Variants in SLC25A21 observed in about 807,000 individuals in gnomAD.
The protein encoded by SLC25A21 is solute carrier family 25 member 21.
A neutral mutation model predicts 43.8 loss-of-function variants in SLC25A21; 47 were observed. That is an observed-to-expected ratio of 1.07 (90% CI 0.85 to 1.37). SLC25A21 has a LOEUF of 1.37. SLC25A21 is among the 40% of genes most tolerant of loss of function. The probability of loss-of-function intolerance (pLI) is 0.00; values close to 1 mark genes in which losing one functional copy is unlikely to be tolerated. For missense variants in SLC25A21, 352 were observed against 350.2 expected (o/e 1.00, Z -0.04); for synonymous variants, 131 against 121.3 (o/e 1.08, Z -0.52).
At position 36,834,531 on chromosome 14, in the gene SLC25A21, A is replaced by G. The variant is rs148566592; in HGVS notation, c.120-20530T>C. On this transcript the variant is annotated intron_variant, in intron 2 of 9. Coordinates refer to ENST00000331299, the MANE Select transcript of SLC25A21 (RefSeq NM_030631.4). ...AAATACTTGGTACCTTGGTACGTTG[A>G]TTTCTCAGTAAATATTGGCTTCCTT... 1.8e-4 allele frequency among the ~76,000 whole-genome samples: 27 copies of G among 152,278 alleles called. No individual in the cohort carries two copies. The East Asian group carries it at 5.2e-3, about 29-fold the overall frequency.
intron 3 of SLC25A21, among the ~76,000 whole-genome samples, chr14:36,809,711 A>T (rs1888166373): frequency 6.6e-6 from 1 of 152,172 alleles, no homozygotes; most frequent in South Asian, 2.1e-4. Flanking sequence ...AACAGACTTT[A>T]ATGTTTTTAA....
chr14:36,895,150 G>T (rs1223794570), intron 1 of SLC25A21, among the ~76,000 whole-genome samples: 1 of 152,158 alleles, frequency 6.6e-6, no homozygotes, highest in Non-Finnish European at 1.5e-5. Flanking sequence ...GTAGAATTCG[G>T]CTGTGAAGCC....
intron 1 of SLC25A21, among the ~76,000 whole-genome samples, chr14:37,008,357 G>T (rs1009903462): frequency 6.6e-6 from 1 of 152,108 alleles, no homozygotes. Flanking sequence ...TCTTTATCCA[G>T]ATTTGTATGA....
intron 1 of SLC25A21, among the ~76,000 whole-genome samples, chr14:36,935,683 C>T (rs908003248): frequency 2.6e-5 from 2 of 77,302 alleles, no homozygotes; most frequent in South Asian, 6.2e-4. Context: ...AACATTCTTG[C>T]AAATCTAAGC....
chr14:36,897,373 G>A (rs1042962815), intron 1 of SLC25A21, among the ~76,000 whole-genome samples: 8 of 152,188 alleles, frequency 5.3e-5, no homozygotes, highest in Middle Eastern at 3.4e-3. Context: ...TTGTGCCTTG[G>A]TTTTCAGCTC....
At chr14:36,723,673 T>A (rs1884467464) in intron 6 of SLC25A21, among the ~76,000 whole-genome samples, 1 of 152,232 alleles carries the variant, frequency 6.6e-6, no homozygotes, top group East Asian at 1.9e-4. Context: ...TTGCAAGTCA[T>A]TAGCACATAC....
intron 1 of SLC25A21, among the ~76,000 whole-genome samples, chr14:37,147,063 C>T (rs28441592): frequency 0.013 from 1,947 of 152,204 alleles, 40 homozygotes; most frequent in African/African-American, 0.045. Context: ...TGCACAAGGA[C>T]GTACTAGGAA....
chr14:36,937,248 C>A (rs566770582), intron 1 of SLC25A21, among the ~76,000 whole-genome samples: 12 of 152,294 alleles, frequency 7.9e-5, no homozygotes, highest in Admixed American at 2.6e-4. Flanking sequence ...GCCAATGAGG[C>A]GCTCTTAGCA....
chr14:37,161,912 G>A (rs377402183), intron 1 of SLC25A21, among the ~76,000 whole-genome samples: 17 of 136,882 alleles, frequency 1.2e-4, no homozygotes, highest in African/African-American at 4.0e-4. Context: ...GCAGTGAGCC[G>A]AGATCGCCTC....
intron 1 of SLC25A21, among the ~76,000 whole-genome samples, chr14:37,157,532 T>C (rs1209010293): frequency 1.3e-5 from 2 of 152,158 alleles, no homozygotes; most frequent in Admixed American, 1.3e-4. Flanking sequence ...GAAGAATTCC[T>C]TGAAGCAAAT....
intron 1 of SLC25A21, among the ~76,000 whole-genome samples, chr14:36,971,939 A>G (rs1959760348): frequency 6.6e-6 from 1 of 152,202 alleles, no homozygotes; most frequent in African/African-American, 2.4e-5. Context: ...AGAAGAGGAC[A>G]CAAATACTAT....
chr14:36,954,247 C>T (rs879338307), intron 1 of SLC25A21, among the ~76,000 whole-genome samples: 1 of 152,102 alleles, frequency 6.6e-6, no homozygotes, highest in Non-Finnish European at 1.5e-5. Context: ...CACCCTTTTA[C>T]GGAATTCTCT....
At chr14:37,003,735 T>C (rs932194782) in intron 1 of SLC25A21, among the ~76,000 whole-genome samples, 7 of 152,108 alleles carry the variant, frequency 4.6e-5, no homozygotes, top group South Asian at 2.1e-4. Flanking sequence ...AGAACAGTGG[T>C]TTCTCAGGCT....
intron 1 of SLC25A21, among the ~76,000 whole-genome samples, chr14:37,085,666 T>A (rs574808813): frequency 6.6e-6 from 1 of 152,354 alleles, no homozygotes; most frequent in African/African-American, 2.4e-5. Flanking sequence ...TTGCATTATC[T>A]TCAATGAGCA....
chr14:36,772,724 T>C (rs915334080), intron 3 of SLC25A21, among the ~76,000 whole-genome samples: 6 of 152,156 alleles, frequency 3.9e-5, no homozygotes, highest in Admixed American at 1.3e-4. Context: ...TCATGGTCGA[T>C]TGCAAATATT....
intron 1 of SLC25A21, among the ~76,000 whole-genome samples, chr14:37,025,682 T>C (rs931276667): frequency 2.0e-5 from 3 of 152,148 alleles, no homozygotes; most frequent in African/African-American, 7.2e-5. Flanking sequence ...CTCATCTGAC[T>C]TCCTACTCAC....
chr14:36,987,306 T>C (rs1486046121), intron 1 of SLC25A21, among the ~76,000 whole-genome samples: 1 of 152,198 alleles, frequency 6.6e-6, no homozygotes, highest in African/African-American at 2.4e-5. Flanking sequence ...CAATCCCTAG[T>C]TTATTTGTAA....
chr14:36,773,680 C>A (rs1325797897), intron 3 of SLC25A21, among the ~76,000 whole-genome samples: 1 of 152,166 alleles, frequency 6.6e-6, no homozygotes, highest in Non-Finnish European at 1.5e-5. Flanking sequence ...AGAGATCCAC[C>A]AGTGCAGTTT....
chr14:36,951,035 C>G (rs796745199), intron 1 of SLC25A21, among the ~76,000 whole-genome samples: 2 of 152,096 alleles, frequency 1.3e-5, no homozygotes, highest in South Asian at 4.1e-4. Flanking sequence ...GCCCTCTCTG[C>G]CCCCTAACTC....
Sources: allele counts gnomAD v4.1 joint callset (sites outside exome capture counted in the v4.1 genomes callset), GRCh38; gene constraint gnomAD v4.1.1; transcripts MANE v1.5; gene names NCBI Gene and HGNC (gene_info 2026-07-23, HGNC 2026-07-21).